The following USP6NL variants were observed in gnomAD, a reference collection of about 807,000 sequenced individuals.
The protein encoded by USP6NL is USP6 N-terminal-like protein.
Under a neutral mutation model 61.9 loss-of-function variants are expected in USP6NL, and 26 were observed. The observed-to-expected ratio is 0.42, with a 90% CI of 0.31 to 0.58. The LOEUF is 0.58. Ranked by LOEUF, USP6NL falls within the 20% of genes least tolerant of loss-of-function variation. The pLI is 0.16. For synonymous variants in USP6NL, 432 were observed against 390.1 expected (o/e 1.11, Z -1.27); for missense variants, 1,114 against 1,034.3 (o/e 1.08, Z -1.06).
At chr10:11,556,064 G>C (rs1255637616) in intron 2 of USP6NL, among the ~76,000 whole-genome samples, 1 of 152,134 alleles carries the variant, frequency 6.6e-6, no homozygotes, top group Middle Eastern at 3.2e-3. Flanking sequence ...AAGAAATACA[G>C]AGATATGGAA....
At position 11,592,214 on chromosome 10, in the gene USP6NL, T is replaced by C. The variant is rs1241165587; in HGVS notation, c.4+5417A>G. 1.3e-5 allele frequency among the ~76,000 whole-genome samples: 2 copies of C among 152,160 alleles called. No individual in the cohort carries two copies. Among genetic ancestry groups the C allele is most frequent in the African/African-American group, 2.4e-5 (1 of 41,456 alleles). On this transcript the variant is annotated intron_variant, in intron 2 of 14. Transcript: ENST00000609104. The surrounding 1 kb of genome is among the most constrained non-coding windows in gnomAD (Gnocchi z 4.7). ...TCTACAGCAAGTGGTCAAAAGAAGA[T>C]AAATTAGCTAAAAGCACAGTATATT...
chr10:11,531,156 A>G (rs906233159), intron 2 of USP6NL, among the ~76,000 whole-genome samples: 3 of 152,206 alleles, frequency 2.0e-5, no homozygotes, highest in Non-Finnish European at 4.4e-5. Flanking sequence ...ATCCATAAAT[A>G]AAAGTTTATT....
At position 11,466,698 on chromosome 10, in the gene USP6NL, G is replaced by A. The variant is rs181447586; in HGVS notation, c.1079-2849C>T. Among the ~76,000 whole-genome samples the A allele has an allele frequency of 1.5e-4, 23 of 152,226 alleles. No homozygotes were observed. The East Asian group carries it at 3.5e-3, about 23-fold the overall frequency. On this transcript the variant is annotated intron_variant, in intron 14 of 14. Coordinates refer to ENST00000609104, the MANE Select transcript of USP6NL (RefSeq NM_014688.5). ...TAAGTTGTCAGGCAATTTCATCACC[G>A]TGTGAACATCAGAGTGCACTAATAC...
At chr10:11,497,357 G>A (rs1470456794) in intron 7 of USP6NL, among the ~76,000 whole-genome samples, 8 of 146,748 alleles carry the variant, frequency 5.5e-5, no homozygotes, top group Admixed American at 4.8e-4. Context: ...CTTGCAGTGA[G>A]CCAAGATCGC....
rs954290243 is a variant in USP6NL at position 11,481,774 on chromosome 10, T to G, written c.1074A>C (p.Glu358Asp). 1 of 1,608,230 alleles carries G rather than the reference T, an allele frequency of 6.2e-7. No homozygotes were observed. The highest frequency in any genetic ancestry group is 8.5e-7 in the Non-Finnish European group (1 of 1,178,150). Residue 358 changes from glutamate (E) to aspartate (D), a missense_variant, in exon 14 of 15, where the codon GAA becomes GAC. Coordinates refer to ENST00000609104, the MANE Select transcript of USP6NL (RefSeq NM_014688.5). The surrounding 1 kb of genome is among the most constrained non-coding windows in gnomAD (Gnocchi z 4.4). ...AAGTATTGGGGTAATTCTTACCAGG[T>G]TCTGGAAGGTCTAACTTTGCCCGCT... ...ELKRAKLDLP[E>D]PGKEDEYPKK... is the part of the protein sequence containing the mutation.
chr10:11,571,765 A>C (rs1837371888), intron 2 of USP6NL, among the ~76,000 whole-genome samples: 1 of 151,638 alleles, frequency 6.6e-6, no homozygotes, highest in Non-Finnish European at 1.5e-5. Flanking sequence ...ATTCTGCAAA[A>C]GGATAAAATA....
chr10:11,574,887 C>T lies in USP6NL; in HGVS notation c.4+22744G>A, dbSNP rs143049695. Among the ~76,000 whole-genome samples, 1 of 152,290 alleles carries T rather than the reference C, an allele frequency of 6.6e-6. No homozygotes were observed. Among genetic ancestry groups the T allele is most frequent in the African/African-American group, 2.4e-5 (1 of 41,570 alleles). ...CAAAAATCAGCCTTCTGCTTTCTCT[C>T]CAGCAAGCACCGTCTGTAAAAATGT... is the stretch of plus-strand genomic sequence containing the variant. On this transcript the variant is annotated intron_variant, in intron 2 of 14. Transcript: ENST00000609104. This position sits in a 1 kb window ranked among gnomAD's most constrained non-coding sequence, Gnocchi z 4.3.
chr10:11,587,179 C>T lies in USP6NL; in HGVS notation c.4+10452G>A, dbSNP rs1481878981. ...CACAGAAACAGTACATATGTAGGGG[C>T]TCATTAAGTATCTGTTTATACTAAA... is the stretch of plus-strand genomic sequence containing the variant. On this transcript the variant is annotated intron_variant, in intron 2 of 14. Transcript: ENST00000609104. The surrounding 1 kb of genome is among the most constrained non-coding windows in gnomAD (Gnocchi z 4.5). Among the ~76,000 whole-genome samples the T allele has an allele frequency of 6.6e-6, 1 of 152,118 alleles. No individual in the cohort carries two copies. Among genetic ancestry groups the T allele is most frequent in the Non-Finnish European group, 1.5e-5 (1 of 68,014 alleles).
At chr10:11,560,691 A>C (rs1436884210) in intron 2 of USP6NL, among the ~76,000 whole-genome samples, 1 of 138,062 alleles carries the variant, frequency 7.2e-6, no homozygotes, top group Non-Finnish European at 1.6e-5. Flanking sequence ...AAAGGCCTCC[A>C]AACAGTAAAA....
intron 2 of USP6NL, among the ~76,000 whole-genome samples, chr10:11,546,547 G>C (rs4622162): frequency 6.6e-6 from 1 of 152,008 alleles, no homozygotes; most frequent in African/African-American, 2.4e-5. Context: ...GACTACAGGT[G>C]CCCGCCACCA....
At chr10:11,565,772 G>A (rs1028916320) in intron 2 of USP6NL, 4 of 152,216 alleles carry the variant, frequency 2.6e-5, no homozygotes, top group African/African-American at 7.2e-5. Context: ...AGCCAATATG[G>A]ACAGGAGTGG....
In USP6NL at chr10:11,537,966, T is replaced by C. The variant is rs574206237; in HGVS notation, c.5-10399A>G. Among the ~76,000 whole-genome samples, 14 of 152,370 alleles carry C rather than the reference T, an allele frequency of 9.2e-5. No homozygotes were observed. The highest frequency in any genetic ancestry group is 3.4e-4 in the African/African-American group (14 of 41,590). On this transcript the variant is annotated intron_variant, in intron 2 of 14. Coordinates refer to ENST00000609104, the MANE Select transcript of USP6NL (RefSeq NM_014688.5). The surrounding 1 kb of genome is among the most constrained non-coding windows in gnomAD (Gnocchi z 5.1). Reference sequence around the variant, plus strand: ...CGATATAATTGGTAGGTTGCTTGTTTTGTTTTTGTAAGCACATGTTTTTAA... The same window carrying C: ...CGATATAATTGGTAGGTTGCTTGTTCTGTTTTTGTAAGCACATGTTTTTAA...
chr10:11,597,716 T>A lies in USP6NL; in HGVS notation c.-82A>T. Reference sequence around the variant, plus strand: ...CCAAGGTTTCTCAGAGGAATACATGTCCTAGTCAGGAAACAAAGAGAAAGA... The same window carrying A: ...CCAAGGTTTCTCAGAGGAATACATGACCTAGTCAGGAAACAAAGAGAAAGA... On this transcript the variant is annotated splice_region_variant and 5_prime_UTR_variant, in exon 2 of 15. Transcript: ENST00000609104. This position sits in a 1 kb window ranked among gnomAD's most constrained non-coding sequence, Gnocchi z 4.6. 1 of 1,083,762 alleles carries A rather than the reference T, an allele frequency of 9.2e-7. No homozygotes were observed. The highest frequency in any genetic ancestry group is 1.4e-5 in the South Asian group (1 of 72,556). 67.1% of individuals were successfully genotyped at this position (1,083,762 alleles called of 1,614,324 possible). A position where few individuals can be genotyped will look rare whatever the true frequency, so the allele number is the denominator to read the frequency against.
At chr10:11,522,735 T>C (rs1017771743) in intron 4 of USP6NL, among the ~76,000 whole-genome samples, 2 of 152,250 alleles carry the variant, frequency 1.3e-5, no homozygotes, top group African/African-American at 4.8e-5. Context: ...AGTGTTCATT[T>C]CAAACAGTAT....
chr10:11,548,486 T>C lies in USP6NL; in HGVS notation c.5-20919A>G, dbSNP rs2133480087. ...TATTTTTAATTAACTCATTTTCCAT[T>C]TTGGTCCATGACTATCCTATAAAGA... is the stretch of plus-strand genomic sequence containing the variant. On this transcript the variant is annotated intron_variant, in intron 2 of 14. Coordinates refer to ENST00000609104, the MANE Select transcript of USP6NL (RefSeq NM_014688.5). The surrounding 1 kb of genome is among the most constrained non-coding windows in gnomAD (Gnocchi z 4.3). Among the ~76,000 whole-genome samples, 2 of 152,316 alleles carry C rather than the reference T, an allele frequency of 1.3e-5. No homozygotes were observed. The highest frequency in any genetic ancestry group is 3.9e-4 in the East Asian group (2 of 5,186).
At chr10:11,601,521 C>G (rs1188874912) in intron 1 of USP6NL, among the ~76,000 whole-genome samples, 30 of 152,134 alleles carry the variant, frequency 2.0e-4, no homozygotes. Context: ...TAACATATTA[C>G]ACATAGTCTT....
intron 13 of USP6NL, 93 bp downstream of exon 13, chr10:11,484,878 G>C (rs1275002518): frequency 1.0e-6 from 1 of 966,122 alleles, no homozygotes; most frequent in Non-Finnish European, 1.5e-6. Context: ...ACTATTAAAA[G>C]ACAATGAAGT....
At chr10:11,534,041 C>G (rs1474769137) in intron 2 of USP6NL, among the ~76,000 whole-genome samples, 1 of 152,122 alleles carries the variant, frequency 6.6e-6, no homozygotes, top group Non-Finnish European at 1.5e-5. Context: ...AATCCCCCCA[C>G]TCTCCATGAA....
chr10:11,599,584 T>C (rs562456915), intron 1 of USP6NL, among the ~76,000 whole-genome samples: 2 of 152,326 alleles, frequency 1.3e-5, no homozygotes, highest in East Asian at 1.9e-4. Context: ...ACAAATTTTA[T>C]AGTTTGCAAA....
Sources: gnomAD v4.1 joint callset for allele counts (sites outside exome capture counted in the v4.1 genomes callset) on GRCh38, gnomAD v4.1.1 for gene constraint, Gnocchi (gnomAD v3.1) non-coding constraint, MANE v1.5 for transcripts, NCBI Gene and HGNC (gene_info 2026-07-23, HGNC 2026-07-21) for gene names.